Variants in TLCD4 observed in about 807,000 individuals in gnomAD.
TLCD4 encodes the protein TLC domain containing 4, also known as TLC domain-containing protein 4.
Under a neutral mutation model 24.2 loss-of-function variants are expected in TLCD4, and 7 were observed. The ratio of observed to expected loss-of-function variants is 0.29; its 90% confidence interval spans 0.16 to 0.54. TLCD4 has a LOEUF of 0.54. Ranked by LOEUF, TLCD4 falls within the 20% of genes least tolerant of loss-of-function variation. TLCD4 has a pLI of 0.95. For synonymous variants in TLCD4, 103 were observed against 106.4 expected (o/e 0.97, Z 0.20); for missense variants, 259 against 313.9 (o/e 0.82, Z 1.32).
chr1:95,144,760 G>A (rs759920408), intron 2 of TLCD4, among the ~76,000 whole-genome samples: 7 of 151,762 alleles, frequency 4.6e-5, no homozygotes, highest in Non-Finnish European at 7.4e-5. Flanking sequence ...GTGAAATCTT[G>A]GCTCGCTGCA....
chr1:95,104,472 G>A, the TLCD4 span, among the ~76,000 whole-genome samples: 1 of 151,698 alleles, frequency 6.6e-6, no homozygotes, highest in East Asian at 1.9e-4. Flanking sequence ...AGACCATGCT[G>A]GCTAACACAA....
At chr1:95,177,155 G>C (rs1389475094) in intron 6 of TLCD4, among the ~76,000 whole-genome samples, 1 of 152,020 alleles carries the variant, frequency 6.6e-6, no homozygotes, top group Non-Finnish European at 1.5e-5. Flanking sequence ...TATGCCTTCA[G>C]CCTCTTTTTT....
chr1:95,119,974 T>C (rs1676526794), intron 1 of TLCD4, among the ~76,000 whole-genome samples: 1 of 152,156 alleles, frequency 6.6e-6, no homozygotes, highest in Non-Finnish European at 1.5e-5. Flanking sequence ...AATGAATTAA[T>C]TGTCTGGGTG....
intron 6 of TLCD4, among the ~76,000 whole-genome samples, chr1:95,178,586 T>TTTTTG (rs1678522929): frequency 8.0e-6 from 1 of 124,234 alleles, no homozygotes; most frequent in African/African-American, 2.8e-5. Flanking sequence ...TTTTTTTTTT[T>TTTTTG]GAGACAGTCT....
At chr1:95,137,598 C>G (rs897881839) in intron 1 of TLCD4, among the ~76,000 whole-genome samples, 2 of 152,130 alleles carry the variant, frequency 1.3e-5, no homozygotes, top group African/African-American at 4.8e-5. Flanking sequence ...ACCTCACCTA[C>G]TAGAACTGAG....
intron 5 of TLCD4, among the ~76,000 whole-genome samples, chr1:95,160,565 G>C (rs1571754587): frequency 6.6e-6 from 1 of 152,262 alleles, no homozygotes; most frequent in East Asian, 1.9e-4. Flanking sequence ...TGGTGAGAGA[G>C]GGCATCCCTG....
intron 1 of TLCD4, among the ~76,000 whole-genome samples, chr1:95,118,990 TTTGAATC>T (rs1275298485): frequency 2.0e-5 from 3 of 152,130 alleles, no homozygotes; most frequent in Non-Finnish European, 4.4e-5. Context: ...CCCTCTGGAG[TTTGAATC>T]TTTACTGTCC....
At chr1:95,122,226 G>A (rs1676589475) in intron 1 of TLCD4, among the ~76,000 whole-genome samples, 1 of 152,194 alleles carries the variant, frequency 6.6e-6, no homozygotes, top group South Asian at 2.1e-4. Flanking sequence ...CACACATGGT[G>A]GCATGTGCCT....
At chr1:95,181,564 GT>G (rs1678641075) in intron 6 of TLCD4, among the ~76,000 whole-genome samples, 1 of 137,494 alleles carries the variant, frequency 7.3e-6, no homozygotes, top group Admixed American at 7.3e-5. Context: ...GCTTTAACCT[GT>G]TTTAAATTTG....
chr1:95,093,348 TGG>T, the TLCD4 span, among the ~76,000 whole-genome samples: 1 of 152,234 alleles, frequency 6.6e-6, no homozygotes, highest in Non-Finnish European at 1.5e-5. Flanking sequence ...ATTTTTCAAA[TGG>T]AAGTTTTTAT....
At chr1:95,129,767 A>G (rs995976024) in intron 1 of TLCD4, among the ~76,000 whole-genome samples, 8 of 152,326 alleles carry the variant, frequency 5.3e-5, no homozygotes, top group Non-Finnish European at 1.0e-4. Context: ...ACTTAATTAT[A>G]TGAACATAGG....
the TLCD4 span, among the ~76,000 whole-genome samples, chr1:95,108,974 A>G: frequency 6.6e-6 from 1 of 152,146 alleles, no homozygotes; most frequent in Non-Finnish European, 1.5e-5. Flanking sequence ...TGGACTTTGG[A>G]ATCATTTTGT....
chr1:95,167,697 C>T (rs1291816144), intron 5 of TLCD4, among the ~76,000 whole-genome samples: 3 of 152,186 alleles, frequency 2.0e-5, no homozygotes, highest in African/African-American at 7.2e-5. Context: ...CTCCTTGCTC[C>T]TTGCTCTCCC....
chr1:95,105,134 GGA>G, the TLCD4 span, among the ~76,000 whole-genome samples: 5 of 152,136 alleles, frequency 3.3e-5, no homozygotes, highest in African/African-American at 4.8e-5. Context: ...CCTAGCATCA[GGA>G]GAGAGTATAA....
chr1:95,158,824 C>G (rs1677704624), intron 5 of TLCD4, among the ~76,000 whole-genome samples: 1 of 152,142 alleles, frequency 6.6e-6, no homozygotes, highest in African/African-American at 2.4e-5. Context: ...CATGTCCCTA[C>G]AGAGGACATG....
chr1:95,156,705 G>T (rs1677642700), intron 5 of TLCD4, among the ~76,000 whole-genome samples: 1 of 152,114 alleles, frequency 6.6e-6, no homozygotes, highest in Non-Finnish European at 1.5e-5. Flanking sequence ...TTTGCAGTGA[G>T]TAGAGCACAA....
chr1:95,185,631 C>A (rs1678805383), intron 6 of TLCD4, among the ~76,000 whole-genome samples: 1 of 152,222 alleles, frequency 6.6e-6, no homozygotes, highest in African/African-American at 2.4e-5. Flanking sequence ...AAGACCTTTA[C>A]AAAGATCCAC....
the TLCD4 span, among the ~76,000 whole-genome samples, chr1:95,110,604 C>T: frequency 1.3e-5 from 2 of 152,088 alleles, no homozygotes; most frequent in African/African-American, 4.8e-5. Context: ...ATAAATGGAT[C>T]TAGGCCAGGT....
chr1:95,196,051 C>G lies in TLCD4; in HGVS notation c.*4183C>G, dbSNP rs1015892697. ...CATTGTAGTAAAGTTTAAAGTGGAG[C>G]TCAGACAAATCATGACTTATTAAGA... On this transcript the variant is annotated 3_prime_UTR_variant, in exon 7 of 7. Coordinates refer to ENST00000370203, the MANE Select transcript of TLCD4 (RefSeq NM_152487.3). 2.6e-5 allele frequency: 4 copies of G among 152,116 alleles called. No homozygotes were observed. The highest frequency in any genetic ancestry group is 2.6e-4 in the Admixed American group (4 of 15,264). The allele number at this position is 152,116 out of a possible 1,614,324, so 9.4% of individuals were successfully genotyped here.
Sources: allele counts gnomAD v4.1 joint callset (sites outside exome capture counted in the v4.1 genomes callset), GRCh38; gene constraint gnomAD v4.1.1; transcripts MANE v1.5; gene names NCBI Gene and HGNC (gene_info 2026-07-23, HGNC 2026-07-21).